EGLN1: variants seen among roughly 807,000 people sequenced by gnomAD.
EGLN1 encodes egl nine homolog 1.
EGLN1 carries 17 observed loss-of-function variants against 38.3 expected under a neutral mutation model. The ratio of observed to expected loss-of-function variants is 0.44; its 90% CI spans 0.30 to 0.67. The LOEUF is 0.67. Among genes scored for constraint, EGLN1 ranks in the 30% least tolerant of loss-of-function variants. The pLI is 0.08. For synonymous variants in EGLN1, 283 were observed against 257.5 expected (o/e 1.10, Z -0.95); for missense variants, 477 against 603.3 (o/e 0.79, Z 2.19).
chr1:231,406,165 C>CAAA (rs5781651), intron 1 of EGLN1, among the ~76,000 whole-genome samples: 2 of 139,124 alleles, frequency 1.4e-5, no homozygotes, highest in South Asian at 2.2e-4. Context: ...GACTCCGTCT[C>CAAA]AAAAAAAAAA....
intron 1 of EGLN1, among the ~76,000 whole-genome samples, chr1:231,379,411 T>C (rs1365475196): frequency 2.0e-5 from 3 of 152,224 alleles, no homozygotes; most frequent in African/African-American, 4.8e-5. Flanking sequence ...TCATAAAACA[T>C]TGCCAAACTT....
At chr1:231,374,792 T>A (rs918516469) in intron 1 of EGLN1, among the ~76,000 whole-genome samples, 17 of 152,060 alleles carry the variant, frequency 1.1e-4, no homozygotes, top group Admixed American at 3.3e-4. Context: ...GATTTTTTTT[T>A]AAAAAAAGGA....
intron 1 of EGLN1, among the ~76,000 whole-genome samples, chr1:231,419,934 G>A (rs1417305124): frequency 6.6e-6 from 1 of 152,126 alleles, no homozygotes; most frequent in African/African-American, 2.4e-5. Context: ...GCTCTCCCAG[G>A]TCAATCTCTC....
chr1:231,392,950 A>C (rs898906481), intron 1 of EGLN1, among the ~76,000 whole-genome samples: 14 of 152,162 alleles, frequency 9.2e-5, no homozygotes, highest in African/African-American at 3.1e-4. Flanking sequence ...TCTACCCTCC[A>C]GGGTGGACAT....
At chr1:231,412,887 C>T (rs903697125) in intron 1 of EGLN1, among the ~76,000 whole-genome samples, 1 of 152,080 alleles carries the variant, frequency 6.6e-6, no homozygotes, top group African/African-American at 2.4e-5. Flanking sequence ...AAGCCAAAAC[C>T]CTTTAAGTCA....
chr1:231,399,868 G>A (rs1688621443), intron 1 of EGLN1, among the ~76,000 whole-genome samples: 1 of 152,002 alleles, frequency 6.6e-6, no homozygotes. Flanking sequence ...ACACAGGAGA[G>A]GGAAAAGGGC....
chr1:231,416,852 A>G (rs1472232315), intron 1 of EGLN1, among the ~76,000 whole-genome samples: 2 of 152,200 alleles, frequency 1.3e-5, no homozygotes, highest in African/African-American at 4.8e-5. Flanking sequence ...TACTATTTTC[A>G]GCCTTTCTAC....
chr1:231,368,139 C>T (rs1415861290), intron 3 of EGLN1, among the ~76,000 whole-genome samples: 2 of 152,010 alleles, frequency 1.3e-5, no homozygotes, highest in Non-Finnish European at 2.9e-5. Flanking sequence ...TGCAGTGAGC[C>T]GAGATCATGC....
rs557480397 is a variant in EGLN1, at chr1:231,409,249, A to C, written c.891+11749T>G. ...GTCTTAGCCTAATTTCTTAAAAAAA[A>C]AAAAAAACAAAAAAAAACCTCTCCT... On this transcript the variant is annotated intron_variant, in intron 1 of 4. Transcript: ENST00000366641. 2.5e-4 allele frequency among the ~76,000 whole-genome samples: 36 copies of C among 143,702 alleles called. No homozygotes were observed. In the East Asian group the frequency reaches 3.1e-3, roughly 12 times the overall value. The allele number at this position is 143,702 out of a possible 152,430, so 94.3% of individuals were successfully genotyped here. A position where few individuals can be genotyped will look rare whatever the true frequency, so the allele number is the denominator to read the frequency against.
chr1:231,387,158 C>CA (rs560748747), intron 1 of EGLN1, among the ~76,000 whole-genome samples: 237 of 127,096 alleles, frequency 1.9e-3, no homozygotes, highest in South Asian at 9.3e-3. Context: ...TGTGGCTAGT[C>CA]AAAAAAAAAA....
chr1:231,411,802 G>GC (rs1163252646), intron 1 of EGLN1, among the ~76,000 whole-genome samples: 1 of 151,708 alleles, frequency 6.6e-6, no homozygotes, highest in Non-Finnish European at 1.5e-5. Flanking sequence ...TTCAAGATCA[G>GC]CCCGGCCAAC....
intron 1 of EGLN1, among the ~76,000 whole-genome samples, chr1:231,407,143 G>A (rs772752217): frequency 1.6e-4 from 25 of 152,132 alleles, no homozygotes; most frequent in Non-Finnish European, 2.9e-4. Flanking sequence ...ATGTTTGAAT[G>A]TGTGAGAAAA....
intron 3 of EGLN1, among the ~76,000 whole-genome samples, chr1:231,368,950 G>A (rs1408973215): frequency 6.6e-6 from 1 of 151,980 alleles, no homozygotes; most frequent in African/African-American, 2.4e-5. Flanking sequence ...AATAGGAAAG[G>A]GCTCAGATAC....
At chr1:231,404,704 A>T (rs907505960) in intron 1 of EGLN1, among the ~76,000 whole-genome samples, 3 of 152,168 alleles carry the variant, frequency 2.0e-5, no homozygotes, top group Non-Finnish European at 4.4e-5. Flanking sequence ...ACTAGTTTTT[A>T]AAATTAATTA....
intron 3 of EGLN1, chr1:231,369,634 A>C (rs1572016755): frequency 1.0e-6 from 1 of 980,220 alleles, no homozygotes; most frequent in Non-Finnish European, 1.2e-6. Context: ...ACACCTCAGA[A>C]GGCAGGAAGA....
intron 1 of EGLN1, among the ~76,000 whole-genome samples, chr1:231,390,995 A>G (rs1013178382): frequency 2.3e-5 from 3 of 132,640 alleles, no homozygotes; most frequent in South Asian, 2.7e-4. Context: ...CTACAGACGC[A>G]AGCCACCATG....
At chr1:231,391,090 T>TGTGTGTGTGTGTGTG (rs1553353081) in intron 1 of EGLN1, among the ~76,000 whole-genome samples, 2 of 53,102 alleles carry the variant, frequency 3.8e-5, no homozygotes, top group Admixed American at 2.1e-4. Context: ...TCTGTTTTTT[T>TGTGTGTGTGTGTGTG]TTTGTGTGTG....
intron 2 of EGLN1, among the ~76,000 whole-genome samples, chr1:231,372,732 G>GA (rs895118325): frequency 6.6e-6 from 1 of 152,184 alleles, no homozygotes; most frequent in African/African-American, 2.4e-5. Context: ...CTAGGGCAGA[G>GA]AAAACTCTTT....
At position 231,364,749 on chromosome 1, in the gene EGLN1, T is replaced by G. The variant is rs1198133098; in HGVS notation, c.*1662A>C. 1 of 152,220 alleles carries G rather than the reference T, an allele frequency of 6.6e-6. No individual in the cohort carries two copies. Among genetic ancestry groups the G allele is most frequent in the Non-Finnish European group, 1.5e-5 (1 of 68,044 alleles). The allele number at this position is 152,220 out of a possible 1,614,324, so 9.4% of individuals were successfully genotyped here. Reference sequence around the variant, plus strand: ...AGTTGAAATATACAGAAAATTTCTGTATACTCACATTTTGGCAAAGAAGAT... The same window carrying G: ...AGTTGAAATATACAGAAAATTTCTGGATACTCACATTTTGGCAAAGAAGAT... On this transcript the variant is annotated 3_prime_UTR_variant, in exon 5 of 5. Transcript: ENST00000366641.
Sources: allele counts gnomAD v4.1 joint callset (sites outside exome capture counted in the v4.1 genomes callset), GRCh38; gene constraint gnomAD v4.1.1; transcripts MANE v1.5; gene names NCBI Gene and HGNC (gene_info 2026-07-23, HGNC 2026-07-21).